Variants in ECPAS observed in about 807,000 individuals in gnomAD.
ECPAS encodes proteasome adapter and scaffold protein ECM29.
In ECPAS, 70 loss-of-function variants were observed where a neutral mutation model predicts 255.1. The observed-to-expected ratio is 0.27, with a 90% CI of 0.23 to 0.33. The LOEUF (loss-of-function observed/expected upper bound fraction) is 0.33. Ranked by LOEUF, ECPAS falls within the 10% of genes least tolerant of loss-of-function variation. The pLI is 1.00. For synonymous variants in ECPAS, 784 were observed against 775.0 expected (o/e 1.01, Z -0.19); for missense variants, 1,817 against 2,206.4 (o/e 0.82, Z 3.54).
At chr9:111,462,290 C>A (rs1034477353) in intron 2 of ECPAS, among the ~76,000 whole-genome samples, 8 of 152,038 alleles carry the variant, frequency 5.3e-5, no homozygotes, top group African/African-American at 1.9e-4. Context: ...TGGAAATAAC[C>A]GTCACTGAAA....
At chr9:111,401,512 T>C (rs568912038) in intron 24 of ECPAS, among the ~76,000 whole-genome samples, 7 of 152,324 alleles carry the variant, frequency 4.6e-5, no homozygotes, top group East Asian at 1.9e-4. Flanking sequence ...TGTGCACACA[T>C]TGTCTTGATA....
chr9:111,432,736 T>C (rs985029788), intron 8 of ECPAS, among the ~76,000 whole-genome samples: 1 of 152,274 alleles, frequency 6.6e-6, no homozygotes, highest in Non-Finnish European at 1.5e-5. Context: ...TTATTTTTCA[T>C]TGACTTTATT....
intron 49 of ECPAS, among the ~76,000 whole-genome samples, chr9:111,362,915 TAA>T (rs1361487010): frequency 6.6e-6 from 1 of 152,124 alleles, no homozygotes; most frequent in African/African-American, 2.4e-5. Context: ...GATGGAGCCC[TAA>T]GAGAGGTGTT....
intron 47 of ECPAS, 78 bp downstream of exon 47, chr9:111,366,444 G>A (rs1381354804): frequency 1.5e-6 from 2 of 1,305,632 alleles, no homozygotes; most frequent in African/African-American, 1.5e-5. Context: ...GTTTTTAAAT[G>A]TATAAAAATT....
At chr9:111,373,031 CA>C (rs1366290136) in intron 41 of ECPAS, 138 bp downstream of exon 41, 307 of 774,376 alleles carry the variant, frequency 4.0e-4, no homozygotes, top group Non-Finnish European at 5.0e-4. Flanking sequence ...GACACCATCT[CA>C]AAAAAAAAGA....
At chr9:111,410,746 T>C (rs1448163294) in intron 22 of ECPAS, among the ~76,000 whole-genome samples, 5 of 152,170 alleles carry the variant, frequency 3.3e-5, no homozygotes, top group Non-Finnish European at 5.9e-5. Flanking sequence ...CTCAAACTCT[T>C]GGACTCAAGT....
chr9:111,405,389 G>A lies in ECPAS; in HGVS notation c.2652+3182C>T, dbSNP rs1021237350. Among the ~76,000 whole-genome samples the A allele has an allele frequency of 2.7e-5, 4 of 149,598 alleles. 1 individual carries two copies. The highest frequency in any genetic ancestry group is 1.0e-4 in the African/African-American group (4 of 39,388). ...TAGAATAATGAAACTGGGCCCCTTT[G>A]TCTCACCATATCAAACCAAAATGGA... On this transcript the variant is annotated intron_variant, in intron 24 of 49. Transcript: ENST00000684092.
chr9:111,436,989 G>A lies in ECPAS; in HGVS notation c.659C>T (p.Ala220Val). 1.2e-6 allele frequency: 2 copies of A among 1,612,892 alleles called. No homozygotes were observed. The highest frequency in any genetic ancestry group is 2.2e-5 in the East Asian group (1 of 44,784). The change falls in exon 7 of 50, where the codon GCC becomes GTC. Residue 220 changes from alanine to valine, a missense_variant. This residue lies in a region of ECPAS where 573 missense variants were observed against 716.2 expected (regional missense o/e 0.80). Coordinates refer to ENST00000684092, the MANE Select transcript of ECPAS (RefSeq NM_001364929.1). Reference protein sequence around the residue: ...QPPPGMSFYAAKRVIGDNPWT... With the variant: ...QPPPGMSFYAVKRVIGDNPWT... The stretch of plus-strand genomic sequence containing the variant: ...TGGGTTATCACCAATAACTCGTTTG[G>A]CTGCATAAAAGCTCATTCCCGGAGG...
intron 2 of ECPAS, among the ~76,000 whole-genome samples, chr9:111,462,215 G>A (rs978490241): frequency 6.6e-6 from 1 of 152,214 alleles, no homozygotes; most frequent in Non-Finnish European, 1.5e-5. Flanking sequence ...AAGCTAGATG[G>A]TAAGGGAGTC....
chr9:111,429,704 T>G (rs187588108), intron 9 of ECPAS, among the ~76,000 whole-genome samples: 1 of 152,248 alleles, frequency 6.6e-6, no homozygotes, highest in African/African-American at 2.4e-5. Flanking sequence ...GTATTTATGG[T>G]TTAAAAAGCA....
chr9:111,453,922 G>T (rs1423635362), intron 2 of ECPAS, among the ~76,000 whole-genome samples: 1 of 151,828 alleles, frequency 6.6e-6, no homozygotes, highest in African/African-American at 2.4e-5. Context: ...CAGGATCCTG[G>T]GGGGGAAAAA....
chr9:111,387,142 A>C (rs2098150317), intron 31 of ECPAS, among the ~76,000 whole-genome samples: 1 of 152,170 alleles, frequency 6.6e-6, no homozygotes, highest in Non-Finnish European at 1.5e-5. Flanking sequence ...TCATCAGTGC[A>C]GTTATTGAGG....
intron 35 of ECPAS, among the ~76,000 whole-genome samples, chr9:111,381,959 C>A (rs937719377): frequency 6.6e-6 from 1 of 151,922 alleles, no homozygotes; most frequent in African/African-American, 2.4e-5. Context: ...GTTCCTCTTT[C>A]CCCTGCACAG....
chr9:111,440,329 T>C (rs747272399), intron 6 of ECPAS, 43 bp downstream of exon 6: 2 of 1,545,540 alleles, frequency 1.3e-6, no homozygotes, highest in South Asian at 1.2e-5. Flanking sequence ...CTCCCCGTAG[T>C]AAAAGCAGTC....
At chr9:111,461,615 T>C (rs950865475) in intron 2 of ECPAS, among the ~76,000 whole-genome samples, 1 of 152,194 alleles carries the variant, frequency 6.6e-6, no homozygotes, top group African/African-American at 2.4e-5. Context: ...CACTGCAATG[T>C]AGTGAGTAAA....
In ECPAS at chr9:111,366,512, A is replaced by G. The variant is rs930150061; in HGVS notation, c.5219+10T>C. ...AACAAAATAAAAAACTGAGCCATGAAGCAATTTACCCCTGAAAAAAGGCAT... is the reference window on the plus strand; with the variant it reads ...AACAAAATAAAAAACTGAGCCATGAGGCAATTTACCCCTGAAAAAAGGCAT... On this transcript the variant is annotated intron_variant, in intron 47 of 49. Coordinates refer to ENST00000684092, the MANE Select transcript of ECPAS (RefSeq NM_001364929.1). 1.9e-6 allele frequency: 3 copies of G among 1,592,358 alleles called. No homozygotes were observed. The highest frequency in any genetic ancestry group is 8.6e-7 in the Non-Finnish European group (1 of 1,160,530).
chr9:111,456,940 G>A (rs772550896), intron 2 of ECPAS, among the ~76,000 whole-genome samples: 5 of 152,144 alleles, frequency 3.3e-5, no homozygotes, highest in Admixed American at 1.3e-4. Context: ...GACTGTTTGC[G>A]AACAACAGCA....
intron 45 of ECPAS, 32 bp from the exon 46 acceptor site, chr9:111,369,205 A>C: frequency 6.8e-7 from 1 of 1,467,678 alleles, no homozygotes; most frequent in East Asian, 2.6e-5. Flanking sequence ...AAAATGTAAT[A>C]TTTTCTTCTT....
chr9:111,484,040 G>A (rs1233923159), intron 1 of ECPAS, 76 bp downstream of exon 1: 16 of 1,071,940 alleles, frequency 1.5e-5, no homozygotes, highest in African/African-American at 1.7e-5. Flanking sequence ...GCGGCGGCCT[G>A]TGCGGGCGGC....
Sources: allele counts gnomAD v4.1 joint callset (sites outside exome capture counted in the v4.1 genomes callset), GRCh38; gene constraint gnomAD v4.1.1; regional missense constraint gnomAD v4.1.1; transcripts MANE v1.5; gene names NCBI Gene and HGNC (gene_info 2026-07-23, HGNC 2026-07-21).